Variants in SYT12 observed in about 807,000 individuals in gnomAD.
SYT12 encodes the protein synaptotagmin 12, also known as synaptotagmin-12.
A neutral mutation model predicts 39.5 loss-of-function variants in SYT12; 27 were observed. The observed-to-expected ratio is 0.68, with a 90% CI of 0.50 to 0.94. The LOEUF is 0.94. Ranked by LOEUF, SYT12 falls within the 40% of genes least tolerant of loss-of-function variation. The pLI is 0.00. For missense variants in SYT12, 536 were observed against 572.6 expected (o/e 0.94, Z 0.65); for synonymous variants, 233 against 239.7 (o/e 0.97, Z 0.26).
chr11:67,031,764 C>T (rs963819412), intron 2 of SYT12: 3 of 152,230 alleles, frequency 2.0e-5, no homozygotes, highest in Admixed American at 2.0e-4. Flanking sequence ...GGGCTCCACC[C>T]TTCAGCTCCC....
At chr11:67,014,605 G>A (rs1449391775) in intron 3 of SYT12, among the ~76,000 whole-genome samples, 1 of 152,232 alleles carries the variant, frequency 6.6e-6, no homozygotes, top group East Asian at 1.9e-4. Context: ...GGCCTTGTGG[G>A]TGAGACCCAG....
Position 67,043,657 on chromosome 11 carries a change from C to G in SYT12, c.641C>G (p.Ser214Cys). 1 of 1,614,142 alleles carries G rather than the reference C, an allele frequency of 6.2e-7. No individual in the cohort carries two copies. Among genetic ancestry groups the G allele is most frequent in the Non-Finnish European group, 8.5e-7 (1 of 1,180,048 alleles). The change falls in exon 5 of 8, where the codon TCC (serine) becomes TGC (cysteine). Residue 214 changes from serine (S) to cysteine (C), a missense_variant. Ser to Cys is a moderately radical substitution (Grantham distance 112, BLOSUM62 -1). Coordinates refer to ENST00000527043, the MANE Select transcript of SYT12 (RefSeq NM_177963.4). ...CTGCAGATCCAGAGAAATGCCTACT[C>G]CATCTTCTTTGATGAGAAGTTCTCC... ...GISRIQRNAY[S>C]IFFDEKFSIP...
intron 1 of SYT12, among the ~76,000 whole-genome samples, chr11:67,009,045 C>CT (rs765528891): frequency 1.4e-4 from 21 of 152,188 alleles, no homozygotes; most frequent in Admixed American, 1.3e-3. Context: ...AGGTCTGGCT[C>CT]TGTCGCCCAG....
In SYT12 at chr11:67,034,719, G is replaced by A. The variant is rs1200554623; in HGVS notation, c.109G>A (p.Val37Met). Residue 37 changes from valine (V) to methionine (M), a missense_variant, in exon 3 of 8, where the codon GTG becomes ATG. By Grantham distance (21) the Val-to-Met change is conservative. Transcript: ENST00000527043. ...GALALLGIAA[V>M]SLWKLWTSGS... is the part of the protein sequence containing the mutation. Reference sequence around the variant, plus strand: ...CCTGGCCCTGCTGGGAATCGCAGCTGTGAGCCTGTGGAAGCTCTGGACGTC... The same window carrying A: ...CCTGGCCCTGCTGGGAATCGCAGCTATGAGCCTGTGGAAGCTCTGGACGTC... 1 of 1,603,050 alleles carries A rather than the reference G, an allele frequency of 6.2e-7. No individual in the cohort carries two copies. Among genetic ancestry groups the A allele is most frequent in the Non-Finnish European group, 8.5e-7 (1 of 1,175,828 alleles).
intron 2 of SYT12, among the ~76,000 whole-genome samples, chr11:67,033,430 A>G (rs1950306242): frequency 6.6e-6 from 1 of 152,140 alleles, no homozygotes; most frequent in Admixed American, 6.5e-5. Context: ...CCATGCCCAT[A>G]GGCTGCTGGC....
rs1044312791 is a variant in SYT12 at position 67,050,105 on chromosome 11, A to T, written c.*1348A>T. 1.3e-5 allele frequency: 2 copies of T among 152,160 alleles called. No individual in the cohort carries two copies. Among genetic ancestry groups the T allele is most frequent in the African/African-American group, 4.8e-5 (2 of 41,384 alleles). 9.4% of individuals were successfully genotyped at this position (152,160 alleles called of 1,614,324 possible). A position where few individuals can be genotyped will look rare whatever the true frequency, so the allele number is the denominator to read the frequency against. ...CGCTGTGGGGGCAGGGGCCTGGAGT[A>T]CGAGGGGCACCCTGGGGGCTCCCAC... On this transcript the variant is annotated 3_prime_UTR_variant, in exon 8 of 8. Transcript: ENST00000527043.
intron 2 of SYT12, 138 bp downstream of exon 2, chr11:67,030,316 G>A: frequency 9.6e-7 from 1 of 1,037,874 alleles, no homozygotes; most frequent in South Asian, 1.6e-5. Flanking sequence ...TCAGTGACTT[G>A]CCCAAGGTCA....
chr11:67,039,836 G>A lies in SYT12; in HGVS notation c.254G>A (p.Arg85Gln), dbSNP rs769632485. The A allele has an allele frequency of 6.2e-6, 10 of 1,611,854 alleles. No homozygotes were observed. The highest frequency in any genetic ancestry group is 4.0e-5 in the African/African-American group (3 of 74,898). The stretch of plus-strand genomic sequence containing the variant: ...AGAGTGCCTGCCTGGAATGCCCAGC[G>A]GGCCAGCACGCGGGGACCACCCAGC... ...EKRVPAWNAQ[R>Q]ASTRGPPSRK... Residue 85 changes from arginine (R) to glutamine (Q), a missense_variant, in exon 4 of 8, where the codon CGG (arginine) becomes CAG (glutamine). Physicochemically the swap from Arg to Gln is conservative, Grantham distance 43. Transcript: ENST00000527043.
At position 67,040,116 on chromosome 11, in the gene SYT12, C is replaced by T. The variant is rs181736372; in HGVS notation, c.534C>T (p.Asp178=). 1.9e-6 allele frequency: 3 copies of T among 1,612,890 alleles called. No homozygotes were observed. Among genetic ancestry groups the T allele is most frequent in the East Asian group, 4.5e-5 (2 of 44,854 alleles). ...ACGTGGCGGTGATGCAGGGCAAGGACCTCCTGGAGCGGGAGGAGGCCAGCT... is the reference window on the plus strand; with the variant it reads ...ACGTGGCGGTGATGCAGGGCAAGGATCTCCTGGAGCGGGAGGAGGCCAGCT... ...TLNVAVMQGK[D]LLEREEASFE... Residue 178 remains aspartate (D), a synonymous_variant, in exon 4 of 8, where the codon GAC becomes GAT. Transcript: ENST00000527043.
In SYT12 at chr11:67,039,934, C is replaced by T. The variant is rs1414894611; in HGVS notation, c.352C>T (p.Arg118Trp). Residue 118 changes from arginine (R) to tryptophan (W), a missense_variant, in exon 4 of 8, where the codon CGG becomes TGG. Transcript: ENST00000527043. ...SELGPLELMGRELDLAPYGTL... is the reference protein window; with the variant it reads ...SELGPLELMGWELDLAPYGTL... The stretch of plus-strand genomic sequence containing the variant: ...ACTGGGGCCTCTGGAGCTGATGGGC[C>T]GGGAGTTGGACCTGGCCCCCTATGG... 20 of 1,613,718 alleles carry T rather than the reference C, an allele frequency of 1.2e-5. No individual in the cohort carries two copies. The highest frequency in any genetic ancestry group is 1.4e-5 in the Non-Finnish European group (17 of 1,180,034).
At chr11:67,023,073 C>T (rs981814430), upstream of SYT12, 1 of 152,280 alleles carries the variant, frequency 6.6e-6, no homozygotes, top group Admixed American at 6.5e-5. Context: ...TGTCCCCAGG[C>T]GTGGGAGCGA....
At position 67,043,802 on chromosome 11, in the gene SYT12, C is replaced by T. The variant is rs199778565; in HGVS notation, c.786C>T (p.Asp262=). The T allele has an allele frequency of 5.6e-6, 9 of 1,614,146 alleles. No homozygotes were observed. The East Asian group carries it at 8.9e-5, about 16-fold the overall frequency. ...TGGAGCTGAAGCTTTCTGTGCTTGA[C>T]CTCCCGCTGCAGCCCTTCAGTGGCT... The part of the protein sequence containing the change: ...GVVELKLSVL[D]LPLQPFSGWL... Residue 262 remains aspartate (D), a synonymous_variant, in exon 5 of 8, where the codon GAC becomes GAT. Transcript: ENST00000527043.
chr11:67,034,753 T>G lies in SYT12; in HGVS notation c.143T>G (p.Phe48Cys), dbSNP rs1565336110. Reference sequence around the variant, plus strand: ...TGGAAGCTCTGGACGTCGGGGAGCTTCCCCAGCCCCTCTCCGTTCCCCAAT... The same window carrying G: ...TGGAAGCTCTGGACGTCGGGGAGCTGCCCCAGCCCCTCTCCGTTCCCCAAT... ...SLWKLWTSGS[F>C]PSPSPFPNYD... The change falls in exon 3 of 8, where the codon TTC becomes TGC. Residue 48 changes from phenylalanine to cysteine, a missense_variant. By Grantham distance (205) the Phe-to-Cys change is radical (BLOSUM62 -2). Transcript: ENST00000527043. 1 of 1,603,178 alleles carries G rather than the reference T, an allele frequency of 6.2e-7. No individual in the cohort carries two copies. Among genetic ancestry groups the G allele is most frequent in the Non-Finnish European group, 8.5e-7 (1 of 1,176,064 alleles).
At chr11:67,033,727 C>G (rs1476213525) in intron 2 of SYT12, among the ~76,000 whole-genome samples, 1 of 152,182 alleles carries the variant, frequency 6.6e-6, no homozygotes, top group Non-Finnish European at 1.5e-5. Context: ...ACTGTATTTG[C>G]CAGCACTGTG....
In SYT12 at chr11:67,039,976, C is replaced by A; in HGVS notation, c.394C>A (p.Gln132Lys). Residue 132 changes from glutamine (Q) to lysine (K), a missense_variant, in exon 4 of 8, where the codon CAG becomes AAG. Physicochemically the swap from Gln to Lys is moderately conservative, Grantham distance 53 (BLOSUM62 1). Coordinates refer to ENST00000527043, the MANE Select transcript of SYT12 (RefSeq NM_177963.4). ...LAPYGTLRKS[Q>K]SADSLNSISS... is the part of the protein sequence containing the mutation. ...CCCCTATGGGACCCTCCGGAAGTCC[C>A]AGTCGGCCGACTCCCTGAACTCCAT... The A allele has an allele frequency of 6.2e-7, 1 of 1,613,792 alleles. No individual in the cohort carries two copies. The highest frequency in any genetic ancestry group is 8.5e-7 in the Non-Finnish European group (1 of 1,180,040).
At chr11:67,012,544 A>G (rs1478957148) in intron 3 of SYT12, among the ~76,000 whole-genome samples, 2 of 152,134 alleles carry the variant, frequency 1.3e-5, no homozygotes, top group Non-Finnish European at 2.9e-5. Context: ...TATGAGTCCA[A>G]GAGGGTAGGG....
chr11:67,044,867 A>G lies in SYT12; in HGVS notation c.958+154A>G, dbSNP rs11227668. 0.82 allele frequency among the ~76,000 whole-genome samples: 124,370 copies of G among 152,012 alleles called. 52,331 individuals are homozygous for G. The highest frequency in any genetic ancestry group is 0.93 in the South Asian group (4,502 of 4,820). ...CTGAGCCCAGAAGTCATGCAGATGGATAGGGGGTGGCATGGGGACAATTAA... is the reference window on the plus strand; with the variant it reads ...CTGAGCCCAGAAGTCATGCAGATGGGTAGGGGGTGGCATGGGGACAATTAA... On this transcript the variant is annotated intron_variant, in intron 6 of 7. Coordinates refer to ENST00000527043, the MANE Select transcript of SYT12 (RefSeq NM_177963.4).
intron 1 of SYT12, among the ~76,000 whole-genome samples, chr11:67,007,749 A>T (rs1439955516): frequency 6.6e-6 from 1 of 150,752 alleles, no homozygotes; most frequent in African/African-American, 2.4e-5. Flanking sequence ...TTTTTAGTAG[A>T]GACGGGGTTT....
Position 67,035,664 on chromosome 11 carries a change from A to C in SYT12, c.228+826A>C, listed in dbSNP as rs374367945. The stretch of plus-strand genomic sequence containing the variant: ...AGTAGAGACGGGGTTTCACCATGTT[A>C]GCCAGGATGGTCTCGATCTCCTGAC... On this transcript the variant is annotated intron_variant, in intron 3 of 7. Coordinates refer to ENST00000527043, the MANE Select transcript of SYT12 (RefSeq NM_177963.4). Among the ~76,000 whole-genome samples, 17 of 150,686 alleles carry C rather than the reference A, an allele frequency of 1.1e-4. No individual in the cohort carries two copies. In the East Asian group the frequency reaches 1.8e-3, roughly 16 times the overall value.
Sources: gnomAD v4.1 joint callset for allele counts (sites outside exome capture counted in the v4.1 genomes callset) on GRCh38, gnomAD v4.1.1 for gene constraint, MANE v1.5 for transcripts, NCBI Gene and HGNC (gene_info 2026-07-23, HGNC 2026-07-21) for gene names.